Variants in PRR16 observed in about 807,000 individuals in gnomAD.
PRR16 encodes protein Largen.
A neutral mutation model predicts 18.2 loss-of-function variants in PRR16; 6 were observed. The ratio of observed to expected loss-of-function variants is 0.33; its 90% CI spans 0.18 to 0.65. PRR16 has a LOEUF of 0.65. Ranked by LOEUF, PRR16 falls within the 30% of genes least tolerant of loss-of-function variation. The probability of loss-of-function intolerance (pLI) is 0.74; values close to 1 mark genes in which losing one functional copy is unlikely to be tolerated. For synonymous variants in PRR16, 151 were observed against 147.8 expected, an observed-to-expected ratio of 1.02 and a Z score of -0.16; for missense variants, 412 against 376.6, an observed-to-expected ratio of 1.09 and a Z score of -0.78.
At chr5:120,762,041 A>T in the PRR16 span, among the ~76,000 whole-genome samples, 1 of 152,144 alleles carries the variant, frequency 6.6e-6, no homozygotes, top group Admixed American at 6.6e-5. Context: ...ACTGAAAGTG[A>T]CAGAATTTCA....
chr5:120,580,657 G>C (rs192583067), intron 1 of PRR16, among the ~76,000 whole-genome samples: 39 of 151,952 alleles, frequency 2.6e-4, no homozygotes, highest in African/African-American at 9.2e-4. Context: ...AGGTTTCACT[G>C]TGTTAGCCAG....
At chr5:120,554,728 C>T (rs184217690) in intron 1 of PRR16, among the ~76,000 whole-genome samples, 39 of 152,002 alleles carry the variant, frequency 2.6e-4, no homozygotes, top group Admixed American at 2.6e-3. Flanking sequence ...TTACATTAGC[C>T]AGAGTAGCTC....
At chr5:120,747,429 T>G in the PRR16 span, among the ~76,000 whole-genome samples, 1 of 152,204 alleles carries the variant, frequency 6.6e-6, no homozygotes, top group South Asian at 2.1e-4. Flanking sequence ...AGCTGCATTT[T>G]CAATTAGATT....
intron 1 of PRR16, among the ~76,000 whole-genome samples, chr5:120,640,368 T>C (rs531035704): frequency 2.0e-5 from 3 of 152,200 alleles, no homozygotes; most frequent in African/African-American, 7.2e-5. Flanking sequence ...GACCTACAAA[T>C]ACTACAATGA....
chr5:120,542,175 G>C lies in PRR16; in HGVS notation c.159+77530G>C, dbSNP rs115697310. ...TGGGCCTTGTTAGTGCCTCGAGTCA[G>C]CTTGTTGCAAGGTTTTGAGTGGTGA... On this transcript the variant is annotated intron_variant, in intron 1 of 1. Coordinates refer to ENST00000407149, the MANE Select transcript of PRR16 (RefSeq NM_001300783.2). Among the ~76,000 whole-genome samples, 546 of 152,212 alleles carry C rather than the reference G, an allele frequency of 3.6e-3. 1 individual carries two copies. The highest frequency in any genetic ancestry group is 0.012 in the African/African-American group (516 of 41,538).
chr5:120,690,713 G>A (rs114178241), downstream of PRR16, among the ~76,000 whole-genome samples: 1,108 of 152,246 alleles, frequency 7.3e-3, 11 homozygotes, highest in Non-Finnish European at 0.011. Flanking sequence ...CAAGTTACAT[G>A]ATTTTGAAAT....
chr5:120,495,775 T>C (rs1259422825), intron 1 of PRR16, among the ~76,000 whole-genome samples: 1 of 152,074 alleles, frequency 6.6e-6, no homozygotes, highest in Non-Finnish European at 1.5e-5. Flanking sequence ...GTTTTACTGC[T>C]TCCTTTCTAA....
At chr5:120,600,793 T>C (rs1217395668) in intron 1 of PRR16, among the ~76,000 whole-genome samples, 2 of 151,952 alleles carry the variant, frequency 1.3e-5, no homozygotes, top group Admixed American at 6.6e-5. Context: ...AGCCCAATGT[T>C]TATCTTGCAC....
the PRR16 span, among the ~76,000 whole-genome samples, chr5:120,761,913 ATTCTC>A: frequency 2.6e-5 from 4 of 152,150 alleles, no homozygotes; most frequent in African/African-American, 9.6e-5. Flanking sequence ...TTATCATTCT[ATTCTC>A]TACCTCCATG....
intron 1 of PRR16, among the ~76,000 whole-genome samples, chr5:120,620,475 TG>T (rs1172431893): frequency 2.6e-5 from 4 of 152,190 alleles, no homozygotes; most frequent in Non-Finnish European, 4.4e-5. Flanking sequence ...TTCTTTAACC[TG>T]GCCTTAATCA....
At chr5:120,540,097 G>T (rs2112681072) in intron 1 of PRR16, among the ~76,000 whole-genome samples, 1 of 152,178 alleles carries the variant, frequency 6.6e-6, no homozygotes, top group African/African-American at 2.4e-5. Context: ...TTCTTATTTT[G>T]ATGGTTCATT....
intron 1 of PRR16, among the ~76,000 whole-genome samples, chr5:120,501,775 T>C (rs1333574077): frequency 6.6e-6 from 1 of 151,188 alleles, no homozygotes; most frequent in Non-Finnish European, 1.5e-5. Flanking sequence ...GCTACCACAG[T>C]GAAACCCTGT....
intron 1 of PRR16, among the ~76,000 whole-genome samples, chr5:120,573,915 A>ATG (rs1427136115): frequency 6.6e-6 from 1 of 151,844 alleles, no homozygotes; most frequent in Non-Finnish European, 1.5e-5. Flanking sequence ...ATATATATAT[A>ATG]TATCAAACAC....
At chr5:120,792,633 G>T in the PRR16 span, among the ~76,000 whole-genome samples, 4 of 152,020 alleles carry the variant, frequency 2.6e-5, no homozygotes, top group South Asian at 4.1e-4. Context: ...GTCTCTCCTT[G>T]CTGGCCCCTA....
intron 1 of PRR16, among the ~76,000 whole-genome samples, chr5:120,499,685 A>G (rs1333025905): frequency 2.7e-5 from 4 of 150,500 alleles, no homozygotes; most frequent in Non-Finnish European, 5.9e-5. Context: ...GTTTATAATT[A>G]TTCTTTGAAG....
chr5:120,636,963 G>A (rs10059619), intron 1 of PRR16, among the ~76,000 whole-genome samples: 8,933 of 151,938 alleles, frequency 0.059, 323 homozygotes, highest in South Asian at 0.084. Flanking sequence ...CAATCAAAAA[G>A]TGGGCTAAGG....
chr5:120,724,926 A>AT, the PRR16 span, among the ~76,000 whole-genome samples: 1 of 151,952 alleles, frequency 6.6e-6, no homozygotes, highest in Non-Finnish European at 1.5e-5. Flanking sequence ...AATTAAAAAA[A>AT]ATATATATAG....
chr5:120,700,174 A>G, the PRR16 span, among the ~76,000 whole-genome samples: 2 of 152,290 alleles, frequency 1.3e-5, no homozygotes, highest in Admixed American at 6.5e-5. Context: ...TTTGGTTGAT[A>G]AGGCGCAGAT....
At chr5:120,626,255 A>G (rs1032340119) in intron 1 of PRR16, among the ~76,000 whole-genome samples, 6 of 152,298 alleles carry the variant, frequency 3.9e-5, no homozygotes, top group Non-Finnish European at 7.4e-5. Context: ...ATATACCTAT[A>G]CAATGGCATA....
Sources: allele counts gnomAD v4.1 joint callset (sites outside exome capture counted in the v4.1 genomes callset), GRCh38; gene constraint gnomAD v4.1.1; transcripts MANE v1.5; gene names NCBI Gene and HGNC (gene_info 2026-07-23, HGNC 2026-07-21).